SEMA5A: variants seen among roughly 807,000 people sequenced by gnomAD.
SEMA5A encodes the protein semaphorin-5A.
In SEMA5A, 55 loss-of-function variants were observed where a neutral mutation model predicts 135.5. That is an observed-to-expected ratio of 0.41 (90% CI 0.33 to 0.51). The LOEUF is 0.51. Among genes scored for constraint, SEMA5A ranks in the 20% least tolerant of loss-of-function variants. The probability of loss-of-function intolerance (pLI) is 0.37; values close to 1 mark genes in which losing one functional copy is unlikely to be tolerated. For missense variants in SEMA5A, 1,290 were observed against 1,419.9 expected, an observed-to-expected ratio of 0.91 and a Z score of 1.47; for synonymous variants, 580 against 546.5, an observed-to-expected ratio of 1.06 and a Z score of -0.85.
intron 16 of SEMA5A, among the ~76,000 whole-genome samples, chr5:9,092,537 T>C (rs149023174): frequency 1.1e-4 from 16 of 152,348 alleles, no homozygotes; most frequent in African/African-American, 3.8e-4. Flanking sequence ...GGAGTTTCAG[T>C]GCTAACATTT....
intron 15 of SEMA5A, among the ~76,000 whole-genome samples, chr5:9,114,083 T>A (rs1296591397): frequency 6.6e-6 from 1 of 152,184 alleles, no homozygotes; most frequent in African/African-American, 2.4e-5. Flanking sequence ...ATAAACAAAA[T>A]GTGGTATAGC....
chr5:9,052,892 C>T (rs1224083528), intron 19 of SEMA5A, among the ~76,000 whole-genome samples: 2 of 151,858 alleles, frequency 1.3e-5, no homozygotes, highest in Admixed American at 1.3e-4. Context: ...CTTTTTTCCC[C>T]TTTTTAAATA....
chr5:9,168,667 C>G lies in SEMA5A; in HGVS notation c.1274-13972G>C, dbSNP rs370022885. On this transcript the variant is annotated intron_variant, in intron 11 of 22. Coordinates refer to ENST00000382496, the MANE Select transcript of SEMA5A (RefSeq NM_003966.3). ...CTGTGAGTGACAGGGGCTGGATGTA[C>G]ACTGCTTCCAATTTAATGCATGATA... Among the ~76,000 whole-genome samples the G allele has an allele frequency of 7.9e-5, 12 of 152,310 alleles. No individual in the cohort carries two copies. The South Asian group carries it at 2.5e-3, about 32-fold the overall frequency.
chr5:9,185,774 A>T (rs1744769630), intron 11 of SEMA5A, among the ~76,000 whole-genome samples: 1 of 152,238 alleles, frequency 6.6e-6, no homozygotes, highest in Admixed American at 6.5e-5. Context: ...AATAAAAATG[A>T]TATATCTCAT....
intron 1 of SEMA5A, among the ~76,000 whole-genome samples, chr5:9,479,554 G>A (rs1759795781): frequency 6.6e-6 from 1 of 152,208 alleles, no homozygotes; most frequent in Non-Finnish European, 1.5e-5. Flanking sequence ...CTGTAGGAAT[G>A]TTGTGTGGGT....
chr5:9,197,091 C>A, intron 10 of SEMA5A, 77 bp downstream of exon 10: 1 of 1,588,264 alleles, frequency 6.3e-7, no homozygotes, highest in Non-Finnish European at 8.6e-7. Context: ...GTTTAAATTA[C>A]CCTTGCCTGT....
intron 5 of SEMA5A, among the ~76,000 whole-genome samples, chr5:9,296,721 T>C (rs1184214820): frequency 6.6e-6 from 1 of 152,030 alleles, no homozygotes; most frequent in African/African-American, 2.4e-5. Flanking sequence ...GGTCAAAAAG[T>C]AAAAGCTTAT....
intron 11 of SEMA5A, among the ~76,000 whole-genome samples, chr5:9,167,955 T>C (rs1743703826): frequency 6.6e-6 from 1 of 152,172 alleles, no homozygotes; most frequent in Non-Finnish European, 1.5e-5. Context: ...GGTGGAAATA[T>C]GTCTTTCAAT....
intron 3 of SEMA5A, among the ~76,000 whole-genome samples, chr5:9,352,560 T>C (rs770038993): frequency 6.6e-6 from 1 of 152,214 alleles, no homozygotes; most frequent in Non-Finnish European, 1.5e-5. Flanking sequence ...CAATTTGATA[T>C]ACCTTGACTA....
At chr5:9,517,315 G>C (rs1355716055) in intron 1 of SEMA5A, 1 of 152,210 alleles carries the variant, frequency 6.6e-6, no homozygotes, top group African/African-American at 2.4e-5. Context: ...GAAGGAAAAG[G>C]GAATTGGCTC....
At chr5:9,456,802 G>A (rs1356956247) in intron 1 of SEMA5A, among the ~76,000 whole-genome samples, 2 of 152,200 alleles carry the variant, frequency 1.3e-5, no homozygotes, top group Non-Finnish European at 2.9e-5. Flanking sequence ...TCATTTTAAA[G>A]AACCATTTGG....
intron 12 of SEMA5A, among the ~76,000 whole-genome samples, chr5:9,152,289 G>A (rs757691857): frequency 6.6e-6 from 1 of 152,110 alleles, no homozygotes; most frequent in Admixed American, 6.6e-5. Context: ...TGTCCTTCTA[G>A]ATATATTCCA....
chr5:9,468,048 A>G (rs1759327468), intron 1 of SEMA5A, among the ~76,000 whole-genome samples: 1 of 152,142 alleles, frequency 6.6e-6, no homozygotes, highest in African/African-American at 2.4e-5. Flanking sequence ...CTACAGGAAG[A>G]TCAGCGTTAC....
chr5:9,075,484 T>C (rs1738000304), intron 16 of SEMA5A, among the ~76,000 whole-genome samples: 1 of 151,394 alleles, frequency 6.6e-6, no homozygotes, highest in Non-Finnish European at 1.5e-5. Context: ...TAATCAGCAA[T>C]TAAAAGAAAT....
intron 5 of SEMA5A, among the ~76,000 whole-genome samples, chr5:9,288,689 G>A (rs1325391350): frequency 2.0e-5 from 3 of 152,152 alleles, no homozygotes; most frequent in Non-Finnish European, 4.4e-5. Context: ...TTAGGGCAAT[G>A]CTAAGAATAA....
intron 5 of SEMA5A, among the ~76,000 whole-genome samples, chr5:9,278,761 A>G (rs572844828): frequency 6.6e-6 from 1 of 152,216 alleles, no homozygotes; most frequent in Non-Finnish European, 1.5e-5. Context: ...AGAGGGTGCA[A>G]GCCCCAAGCC....
intron 16 of SEMA5A, among the ~76,000 whole-genome samples, chr5:9,088,413 T>C (rs1239051674): frequency 1.3e-5 from 2 of 150,896 alleles, no homozygotes; most frequent in African/African-American, 2.4e-5. Context: ...GGGGTGAATA[T>C]AGAAATCTAA....
intron 1 of SEMA5A, among the ~76,000 whole-genome samples, chr5:9,489,263 T>C (rs1197936546): frequency 6.6e-6 from 1 of 151,992 alleles, no homozygotes; most frequent in South Asian, 2.1e-4. Context: ...CATATATATA[T>C]ATATATACCT....
At chr5:9,346,892 A>G (rs944126855) in intron 3 of SEMA5A, among the ~76,000 whole-genome samples, 15 of 149,468 alleles carry the variant, frequency 1.0e-4, no homozygotes, top group Admixed American at 2.7e-4. Flanking sequence ...GTATATATAT[A>G]TGTGTGTGTG....
Sources: allele counts gnomAD v4.1 joint callset (sites outside exome capture counted in the v4.1 genomes callset), GRCh38; gene constraint gnomAD v4.1.1; transcripts MANE v1.5; gene names NCBI Gene and HGNC (gene_info 2026-07-23, HGNC 2026-07-21).